The following CDCA7L variants were observed in gnomAD, a reference collection of about 807,000 sequenced individuals.
CDCA7L encodes the protein cell division cycle associated 7 like.
In CDCA7L, 44 loss-of-function variants were observed where a neutral mutation model predicts 57.4. The ratio of observed to expected loss-of-function variants is 0.77; its 90% CI spans 0.60 to 0.98. The LOEUF (loss-of-function observed/expected upper bound fraction) is 0.98, where lower values mean the gene tolerates loss of function less well. Among genes scored for constraint, CDCA7L ranks in the 50% least tolerant of loss-of-function variants. CDCA7L has a pLI of 0.00. For synonymous variants in CDCA7L, 236 were observed against 202.8 expected (o/e 1.16, Z -1.39); for missense variants, 644 against 580.6 (o/e 1.11, Z -1.12).
In CDCA7L at chr7:21,902,178, C is replaced by T; in HGVS notation, c.*144G>A. On this transcript the variant is annotated 3_prime_UTR_variant, in exon 10 of 10. Coordinates refer to ENST00000406877, the MANE Select transcript of CDCA7L (RefSeq NM_018719.5). ...TGAGAAATCTTTGTAAGCATATAAA[C>T]AATCTTTAACAAAAAATAGTAATTT... 1.2e-6 allele frequency: 1 copy of T among 804,588 alleles called. No homozygotes were observed. The highest frequency in any genetic ancestry group is 1.6e-5 in the South Asian group (1 of 64,466). The allele number at this position is 804,588 out of a possible 1,614,324, so 49.8% of individuals were successfully genotyped here.
At chr7:21,903,158 G>T (rs372706799) in intron 8 of CDCA7L, 44 bp from the exon 9 acceptor site, 22 of 1,585,472 alleles carry the variant, frequency 1.4e-5, no homozygotes, top group Admixed American at 1.7e-5. Flanking sequence ...TTATCTACAG[G>T]GTCTGGCAAG....
At chr7:21,945,366 A>G in intron 1 of CDCA7L, among the ~76,000 whole-genome samples, 1 of 152,164 alleles carries the variant, frequency 6.6e-6, no homozygotes, top group South Asian at 2.1e-4. Flanking sequence ...ACTGTTAAAA[A>G]AAAAAAATTA....
intron 1 of CDCA7L, among the ~76,000 whole-genome samples, chr7:21,921,571 A>G (rs1554296960): frequency 6.6e-6 from 1 of 150,582 alleles, no homozygotes; most frequent in Non-Finnish European, 1.5e-5. Flanking sequence ...GTAGCTGCAT[A>G]GTCTAGACAA....
chr7:21,940,265 G>T, intron 1 of CDCA7L: 2 of 976,152 alleles, frequency 2.0e-6, no homozygotes, highest in South Asian at 4.7e-5. Context: ...CACTTACCTG[G>T]AAGGAAAAGA....
At chr7:21,904,991 T>G (rs1489344009) in intron 7 of CDCA7L, among the ~76,000 whole-genome samples, 3 of 152,168 alleles carry the variant, frequency 2.0e-5, no homozygotes, top group Admixed American at 2.0e-4. Flanking sequence ...ACCTTCAATG[T>G]GAGATCTATT....
Position 21,901,322 on chromosome 7 carries a change from G to GTTCCCATGCACATTA in CDCA7L, c.*985_*999dup. The stretch of plus-strand genomic sequence containing the variant: ...GGATTTTCTAGCATGTTGCTGCACT[G>GTTCCCATGCACATTA]TTCCCATGCACATTATTCTAACTTT... On this transcript the variant is annotated 3_prime_UTR_variant, in exon 10 of 10. Transcript: ENST00000406877. 6.7e-7 allele frequency: 1 copy of GTTCCCATGCACATTA among 1,489,524 alleles called. No homozygotes were observed. Among genetic ancestry groups the GTTCCCATGCACATTA allele is most frequent in the Non-Finnish European group, 8.9e-7 (1 of 1,118,786 alleles). The allele number at this position is 1,489,524 out of a possible 1,614,324, so 92.3% of individuals were successfully genotyped here.
chr7:21,935,633 T>C (rs1786138174), intron 1 of CDCA7L, among the ~76,000 whole-genome samples: 1 of 151,764 alleles, frequency 6.6e-6, no homozygotes, highest in South Asian at 2.1e-4. Flanking sequence ...AATCTTAAGC[T>C]ACATGACTAG....
Position 21,929,631 on chromosome 7 carries a change from C to CAAAAAAAAAAAAAAAAAA in CDCA7L, c.25-12755_25-12738dup, listed in dbSNP as rs57283961. ...GGAATATTATCCAGCAAATGGAAAG[C>CAAAAAAAAAAAAAAAAAA]AAAAAAAAAAAAAAAAAAAAAAAAA... On this transcript the variant is annotated intron_variant, in intron 1 of 9. Coordinates refer to ENST00000406877, the MANE Select transcript of CDCA7L (RefSeq NM_018719.5). 8.4e-5 allele frequency among the ~76,000 whole-genome samples: 3 copies of CAAAAAAAAAAAAAAAAAA among 35,510 alleles called. 1 individual carries two copies. Among genetic ancestry groups the CAAAAAAAAAAAAAAAAAA allele is most frequent in the African/African-American group, 4.6e-4 (3 of 6,544 alleles). 23.3% of individuals were successfully genotyped at this position (35,510 alleles called of 152,430 possible). A position where few individuals can be genotyped will look rare whatever the true frequency, so the allele number is the denominator to read the frequency against.
chr7:21,937,160 A>T (rs1204735506), intron 1 of CDCA7L, among the ~76,000 whole-genome samples: 1 of 152,252 alleles, frequency 6.6e-6, no homozygotes, highest in African/African-American at 2.4e-5. Context: ...AAGGAAATGG[A>T]GAACCATCCC....
At position 21,901,119 on chromosome 7, in the gene CDCA7L, C is replaced by T; in HGVS notation, c.*1203G>A. Reference sequence around the variant, plus strand: ...CCACCCCCGTGGACAGACAAGAAACCAAACAGACCTACGAGTGCCCTGTGT... The same window carrying T: ...CCACCCCCGTGGACAGACAAGAAACTAAACAGACCTACGAGTGCCCTGTGT... On this transcript the variant is annotated 3_prime_UTR_variant, in exon 10 of 10. Coordinates refer to ENST00000406877, the MANE Select transcript of CDCA7L (RefSeq NM_018719.5). The T allele has an allele frequency of 6.2e-7, 1 of 1,613,386 alleles. No individual in the cohort carries two copies. The highest frequency in any genetic ancestry group is 8.5e-7 in the Non-Finnish European group (1 of 1,179,478).
intron 4 of CDCA7L, 103 bp downstream of exon 4, chr7:21,908,027 C>T (rs1254944700): frequency 1.5e-6 from 2 of 1,314,804 alleles, no homozygotes; most frequent in Non-Finnish European, 1.0e-6. Context: ...TGACAGAAGC[C>T]AAAGCAACAG....
chr7:21,933,895 T>C (rs1786088653), intron 1 of CDCA7L, among the ~76,000 whole-genome samples: 1 of 151,458 alleles, frequency 6.6e-6, no homozygotes, highest in Admixed American at 6.6e-5. Flanking sequence ...ATTTAAAATG[T>C]AGAAGGGAAA....
At chr7:21,902,589 A>T in intron 9 of CDCA7L, 1 of 573,772 alleles carries the variant, frequency 1.7e-6, no homozygotes, top group Non-Finnish European at 3.1e-6. Flanking sequence ...TTAATTACAT[A>T]AATGAAACTT....
Position 21,906,584 on chromosome 7 carries a change from G to A in CDCA7L, c.737C>T (p.Thr246Ile). The stretch of plus-strand genomic sequence containing the variant: ...TCTACTTACAGAAGCTGAGGTTGGG[G>A]TTCGTACTGGGAAGAAATCTGGCAT... ...NSMPDFFPVR[T>I]PTSASRKKTV... Residue 246 changes from threonine to isoleucine, a missense_variant, in exon 5 of 10, where the codon ACC becomes ATC. Coordinates refer to ENST00000406877, the MANE Select transcript of CDCA7L (RefSeq NM_018719.5). 1.2e-6 allele frequency: 2 copies of A among 1,614,138 alleles called. No individual in the cohort carries two copies. Among genetic ancestry groups the A allele is most frequent in the Non-Finnish European group, 1.7e-6 (2 of 1,180,026 alleles).
intron 1 of CDCA7L, among the ~76,000 whole-genome samples, chr7:21,919,696 A>C (rs543145708): frequency 6.6e-6 from 1 of 152,198 alleles, no homozygotes; most frequent in African/African-American, 2.4e-5. Context: ...TCGCCGTTCC[A>C]CCACAAGGAA....
At chr7:21,930,848 A>C (rs1184991490) in intron 1 of CDCA7L, among the ~76,000 whole-genome samples, 1 of 152,114 alleles carries the variant, frequency 6.6e-6, no homozygotes, top group African/African-American at 2.4e-5. Context: ...TGAATCCAGG[A>C]GTTGGTTTTT....
chr7:21,917,547 A>G (rs1785522958), intron 1 of CDCA7L, among the ~76,000 whole-genome samples: 1 of 152,204 alleles, frequency 6.6e-6, no homozygotes, highest in African/African-American at 2.4e-5. Context: ...TTTTCTCCCA[A>G]TTCTTTGTTT....
rs1562616980 is a variant in CDCA7L, at chr7:21,902,126, A to ATAGATTCCTCT, written c.*185_*195dup. The ATAGATTCCTCT allele has an allele frequency of 3.2e-6, 2 of 626,370 alleles. No homozygotes were observed. The highest frequency in any genetic ancestry group is 1.8e-5 in the African/African-American group (1 of 54,136). 38.8% of individuals were successfully genotyped at this position (626,370 alleles called of 1,614,324 possible). ...CAGACAGGTCTGTGCATACATCTAT[A>ATAGATTCCTCT]TAGATTCCTCTGCTCTGCTGTCTTC... On this transcript the variant is annotated 3_prime_UTR_variant, in exon 10 of 10. Coordinates refer to ENST00000406877, the MANE Select transcript of CDCA7L (RefSeq NM_018719.5).
rs762351753 is a variant in CDCA7L at position 21,916,712 on chromosome 7, G to C, written c.165+42C>G. The C allele has an allele frequency of 6.7e-5, 107 of 1,588,606 alleles. 1 individual carries two copies. In the South Asian group the frequency reaches 8.8e-4, roughly 13 times the overall value. The stretch of plus-strand genomic sequence containing the variant: ...AAAGAACATCCAAACCAAGATTCAG[G>C]CCTCCAGATGAACACATCTGCTTGG... On this transcript the variant is annotated intron_variant, in intron 2 of 9. Coordinates refer to ENST00000406877, the MANE Select transcript of CDCA7L (RefSeq NM_018719.5).
Sources: gnomAD v4.1 joint callset for allele counts (sites outside exome capture counted in the v4.1 genomes callset) on GRCh38, gnomAD v4.1.1 for gene constraint, MANE v1.5 for transcripts, NCBI Gene and HGNC (gene_info 2026-07-23, HGNC 2026-07-21) for gene names.